RGS6: variants seen among roughly 807,000 people sequenced by gnomAD.
RGS6 encodes the protein regulator of G-protein signaling 6.
RGS6 carries 30 observed loss-of-function variants against 78.5 expected under a neutral mutation model. That is an observed-to-expected ratio of 0.38 (90% confidence interval 0.29 to 0.52). The LOEUF (loss-of-function observed/expected upper bound fraction) is 0.52. RGS6 is among the 20% of genes least tolerant of loss of function. The probability of loss-of-function intolerance (pLI) is 0.85; values close to 1 mark genes in which losing one functional copy is unlikely to be tolerated. For synonymous variants in RGS6, 206 were observed against 206.0 expected, an observed-to-expected ratio of 1.00 and a Z score of 0.00; for missense variants, 495 against 609.7, an observed-to-expected ratio of 0.81 and a Z score of 1.98.
At chr14:71,875,377 G>C in the RGS6 span, among the ~76,000 whole-genome samples, 1 of 152,142 alleles carries the variant, frequency 6.6e-6, no homozygotes, top group Admixed American at 6.5e-5. Context: ...TCTTGGGAGG[G>C]TGTTTGTGTA....
chr14:71,985,764 T>A (rs567186835), intron 2 of RGS6, among the ~76,000 whole-genome samples: 1 of 152,316 alleles, frequency 6.6e-6, no homozygotes, highest in East Asian at 1.9e-4. Context: ...CTGAGAGCTT[T>A]GTTGATGCCT....
At chr14:71,915,931 C>T in the RGS6 span, among the ~76,000 whole-genome samples, 1 of 152,126 alleles carries the variant, frequency 6.6e-6, no homozygotes, top group African/African-American at 2.4e-5. Flanking sequence ...GGACAGACCA[C>T]GGGAAGGCAC....
chr14:72,378,721 C>T (rs2085343112), intron 3 of RGS6, among the ~76,000 whole-genome samples: 1 of 151,966 alleles, frequency 6.6e-6, no homozygotes, highest in African/African-American at 2.4e-5. Flanking sequence ...AAAAGAAAAG[C>T]CCAGAATTGG....
chr14:72,396,459 A>G (rs28856657), intron 3 of RGS6, among the ~76,000 whole-genome samples: 5,173 of 152,120 alleles, frequency 0.034, 311 homozygotes, highest in African/African-American at 0.12. Context: ...TTGTCAGATG[A>G]GTAGGTTGCA....
intron 2 of RGS6, among the ~76,000 whole-genome samples, chr14:72,236,976 CT>C (rs1001471668): frequency 6.6e-6 from 1 of 152,212 alleles, no homozygotes; most frequent in African/African-American, 2.4e-5. Context: ...GATTTCCACC[CT>C]ACGTGCACGC....
chr14:72,438,143 G>A (rs775523135), intron 3 of RGS6, among the ~76,000 whole-genome samples: 11 of 152,142 alleles, frequency 7.2e-5, no homozygotes, highest in South Asian at 2.1e-4. Context: ...GCTTTTTCCC[G>A]AGAGAGGGGA....
intron 2 of RGS6, among the ~76,000 whole-genome samples, chr14:72,030,007 A>G (rs1419897792): frequency 6.6e-6 from 1 of 152,210 alleles, no homozygotes. Flanking sequence ...CCTGTCAATT[A>G]TCTCGTCATT....
chr14:72,358,343 G>T (rs754756284), intron 3 of RGS6, among the ~76,000 whole-genome samples: 1 of 152,184 alleles, frequency 6.6e-6, no homozygotes, highest in East Asian at 1.9e-4. Flanking sequence ...ACTCCAGAAT[G>T]GTAGGTCCAC....
intron 2 of RGS6, among the ~76,000 whole-genome samples, chr14:72,013,931 A>C (rs1453455278): frequency 6.6e-6 from 1 of 152,190 alleles, no homozygotes; most frequent in Non-Finnish European, 1.5e-5. Context: ...GTGTGTGCTC[A>C]GTCCTTATTG....
chr14:71,878,096 G>C, the RGS6 span, among the ~76,000 whole-genome samples: 1 of 152,176 alleles, frequency 6.6e-6, no homozygotes, highest in African/African-American at 2.4e-5. Context: ...CCCCTACTGG[G>C]AGGTGCCTCC....
At chr14:72,074,301 A>G (rs2094502908) in intron 2 of RGS6, among the ~76,000 whole-genome samples, 1 of 152,122 alleles carries the variant, frequency 6.6e-6, no homozygotes, top group Admixed American at 6.5e-5. Flanking sequence ...GACTCAAGGG[A>G]TCTCCTGCCT....
chr14:72,540,621 G>A lies in RGS6; in HGVS notation c.1422+527G>A, dbSNP rs764855282. ...AAGCGGCCGTGCTGCATGGGTCCTG[G>A]CGATGTGGCCTAGCTGGCGTGTGTG... On this transcript the variant is annotated intron_variant, in intron 17 of 17. Transcript: ENST00000553525. 7 of 1,456,530 alleles carry A rather than the reference G, an allele frequency of 4.8e-6. No individual in the cohort carries two copies. The Admixed American group carries it at 1.3e-4, about 26-fold the overall frequency. 90.2% of individuals were successfully genotyped at this position (1,456,530 alleles called of 1,614,324 possible). A position where few individuals can be genotyped will look rare whatever the true frequency, so the allele number is the denominator to read the frequency against.
intron 2 of RGS6, among the ~76,000 whole-genome samples, chr14:71,975,303 T>C (rs1415274883): frequency 6.6e-6 from 1 of 152,272 alleles, no homozygotes; most frequent in Non-Finnish European, 1.5e-5. Flanking sequence ...GGCTGTAAGT[T>C]TGATTATTCC....
intron 12 of RGS6, among the ~76,000 whole-genome samples, chr14:72,483,509 G>A (rs894457973): frequency 2.0e-5 from 3 of 152,120 alleles, no homozygotes; most frequent in Non-Finnish European, 4.4e-5. Flanking sequence ...TTAATGAAAT[G>A]AGATAAGACA....
chr14:72,465,622 GTGGATGGATGGA>G (rs551039934), intron 6 of RGS6, 124 bp from the exon 7 acceptor site: 18 of 355,532 alleles, frequency 5.1e-5, no homozygotes, highest in East Asian at 2.6e-4. Context: ...GGGTGGATGG[GTGGATGGATGGA>G]TGGATGGATG....
chr14:72,047,868 G>C (rs748432002), intron 2 of RGS6, among the ~76,000 whole-genome samples: 5 of 148,978 alleles, frequency 3.4e-5, no homozygotes, highest in Non-Finnish European at 7.4e-5. Flanking sequence ...TGGGATTACA[G>C]GCATGTGCCA....
chr14:72,281,213 A>G (rs888437533), intron 2 of RGS6, among the ~76,000 whole-genome samples: 6 of 149,106 alleles, frequency 4.0e-5, no homozygotes, highest in Non-Finnish European at 8.9e-5. Flanking sequence ...CAATGGTGCA[A>G]TCTCAGCTCA....
intron 2 of RGS6, among the ~76,000 whole-genome samples, chr14:72,295,134 AC>A (rs1409297742): frequency 2.6e-5 from 4 of 151,680 alleles, no homozygotes; most frequent in African/African-American, 7.3e-5. Flanking sequence ...TACTAAAAAT[AC>A]AAAAAATTAG....
chr14:71,922,363 A>G, the RGS6 span, among the ~76,000 whole-genome samples: 1 of 152,202 alleles, frequency 6.6e-6, no homozygotes, highest in Non-Finnish European at 1.5e-5. Context: ...CTGGATTACC[A>G]CAACAGCCAC....
Sources: gnomAD v4.1 joint callset for allele counts (sites outside exome capture counted in the v4.1 genomes callset) on GRCh38, gnomAD v4.1.1 for gene constraint, MANE v1.5 for transcripts, NCBI Gene and HGNC (gene_info 2026-07-23, HGNC 2026-07-21) for gene names.